Variants in PHF14 observed in about 807,000 individuals in gnomAD.
PHF14 encodes PHD finger protein 14.
In PHF14, 55 loss-of-function variants were observed where a neutral mutation model predicts 117.9. That is an observed-to-expected ratio of 0.47 (90% CI 0.38 to 0.58). The LOEUF (loss-of-function observed/expected upper bound fraction) is 0.58, where lower values mean the gene tolerates loss of function less well. Ranked by LOEUF, PHF14 falls within the 20% of genes least tolerant of loss-of-function variation. PHF14 has a pLI of 0.00. For synonymous variants in PHF14, 409 were observed against 368.6 expected (o/e 1.11, Z -1.26); for missense variants, 978 against 1,122.2 (o/e 0.87, Z 1.84).
intron 2 of PHF14, among the ~76,000 whole-genome samples, chr7:10,978,510 A>G (rs534841018): frequency 6.6e-6 from 1 of 152,214 alleles, no homozygotes; most frequent in East Asian, 1.9e-4. Context: ...GTTTTTTTAT[A>G]TTTGGGGATC....
At chr7:11,037,760 T>C (rs1583398107) in intron 10 of PHF14, among the ~76,000 whole-genome samples, 1 of 152,162 alleles carries the variant, frequency 6.6e-6, no homozygotes, top group East Asian at 1.9e-4. Context: ...TTTTAAGTCA[T>C]AAAAAAATAG....
chr7:11,156,930 A>G (rs1042596165), intron 17 of PHF14, among the ~76,000 whole-genome samples: 16 of 152,204 alleles, frequency 1.1e-4, no homozygotes, highest in African/African-American at 3.6e-4. Context: ...AAGATTCACA[A>G]TACTCACCTT....
At chr7:11,082,062 A>G (rs142069544) in intron 16 of PHF14, among the ~76,000 whole-genome samples, 181 of 150,726 alleles carry the variant, frequency 1.2e-3, no homozygotes, top group African/African-American at 4.2e-3. Context: ...TAGAAAATCA[A>G]TTTGAGTGCA....
chr7:11,098,654 C>G (rs1786968162), intron 16 of PHF14, among the ~76,000 whole-genome samples: 1 of 152,142 alleles, frequency 6.6e-6, no homozygotes, highest in Non-Finnish European at 1.5e-5. Flanking sequence ...TTCTTTAATC[C>G]CCACTGCACC....
chr7:10,989,909 G>A (rs1252813244), intron 3 of PHF14, among the ~76,000 whole-genome samples: 3 of 152,158 alleles, frequency 2.0e-5, no homozygotes, highest in Admixed American at 6.5e-5. Flanking sequence ...TGGGATTACC[G>A]GTGTGAGCCA....
intron 16 of PHF14, among the ~76,000 whole-genome samples, chr7:11,090,401 A>G (rs1354057033): frequency 1.3e-5 from 2 of 152,220 alleles, no homozygotes; most frequent in Admixed American, 6.5e-5. Flanking sequence ...ATATCAGTCA[A>G]TAACTTTCCT....
intron 16 of PHF14, among the ~76,000 whole-genome samples, chr7:11,080,835 T>C (rs1786070786): frequency 6.6e-6 from 1 of 152,132 alleles, no homozygotes; most frequent in Non-Finnish European, 1.5e-5. Context: ...GTCTTGAATT[T>C]TGAATATAGC....
chr7:11,080,402 A>G (rs1025822977), intron 16 of PHF14, among the ~76,000 whole-genome samples: 5 of 152,148 alleles, frequency 3.3e-5, no homozygotes, highest in Non-Finnish European at 7.4e-5. Flanking sequence ...AGAATTTTTC[A>G]TAAAAGTTGC....
chr7:11,161,925 C>T (rs919203256), intron 17 of PHF14, among the ~76,000 whole-genome samples: 1 of 150,740 alleles, frequency 6.6e-6, no homozygotes, highest in Non-Finnish European at 1.5e-5. Flanking sequence ...TAGTAGTTTA[C>T]TACCTGAAGG....
At chr7:11,014,147 A>G (rs1027360126) in intron 5 of PHF14, among the ~76,000 whole-genome samples, 9 of 152,174 alleles carry the variant, frequency 5.9e-5, no homozygotes, top group African/African-American at 2.2e-4. Context: ...TGACCCTATG[A>G]TGAGGCAGGT....
chr7:11,165,144 C>G (rs1199811748), intron 17 of PHF14, among the ~76,000 whole-genome samples: 1 of 152,150 alleles, frequency 6.6e-6, no homozygotes, highest in Non-Finnish European at 1.5e-5. Flanking sequence ...AGGATAGTCT[C>G]GGTCTCTTGA....
intron 14 of PHF14, among the ~76,000 whole-genome samples, chr7:11,055,291 CTAATG>C (rs1018777397): frequency 6.6e-6 from 1 of 152,164 alleles, no homozygotes; most frequent in African/African-American, 2.4e-5. Context: ...TTCTAATACT[CTAATG>C]TAACTTGAAA....
At chr7:11,087,875 TG>T (rs1322482775) in intron 16 of PHF14, among the ~76,000 whole-genome samples, 3 of 152,146 alleles carry the variant, frequency 2.0e-5, no homozygotes, top group Admixed American at 2.0e-4. Flanking sequence ...AGAAGTCGAA[TG>T]GGGGCAAAAA....
intron 3 of PHF14, among the ~76,000 whole-genome samples, chr7:10,984,196 A>G (rs1266021280): frequency 1.3e-5 from 2 of 152,172 alleles, no homozygotes; most frequent in Non-Finnish European, 2.9e-5. Flanking sequence ...TACAAGTTTT[A>G]CATAGCAGTG....
chr7:10,989,837 C>T (rs1782380750), intron 3 of PHF14, among the ~76,000 whole-genome samples: 1 of 152,220 alleles, frequency 6.6e-6, no homozygotes, highest in East Asian at 1.9e-4. Flanking sequence ...CACTGTGTTG[C>T]CCAGGCTGGT....
intron 4 of PHF14, among the ~76,000 whole-genome samples, chr7:10,995,585 G>A (rs114722624): frequency 0.076 from 11,618 of 152,218 alleles, 497 homozygotes; most frequent in African/African-American, 0.11. Context: ...CGATGGGACC[G>A]CGCCACAGAG....
chr7:10,998,268 AT>A (rs1782735105), intron 4 of PHF14, among the ~76,000 whole-genome samples: 1 of 152,152 alleles, frequency 6.6e-6, no homozygotes, highest in Non-Finnish European at 1.5e-5. Flanking sequence ...TGTGTAAGTT[AT>A]TTTTAAAATG....
At chr7:10,987,868 T>C (rs377390793) in intron 3 of PHF14, among the ~76,000 whole-genome samples, 1 of 151,942 alleles carries the variant, frequency 6.6e-6, no homozygotes, top group South Asian at 2.1e-4. Context: ...AAAACAGATC[T>C]AGCTGGGCGT....
intron 4 of PHF14, among the ~76,000 whole-genome samples, chr7:10,992,049 C>T (rs1018716679): frequency 1.8e-4 from 27 of 151,248 alleles, no homozygotes; most frequent in African/African-American, 5.8e-4. Context: ...GTAGCTTCTT[C>T]TTTCATAGTT....
Sources: allele counts gnomAD v4.1 joint callset (sites outside exome capture counted in the v4.1 genomes callset), GRCh38; gene constraint gnomAD v4.1.1; transcripts MANE v1.5; gene names NCBI Gene and HGNC (gene_info 2026-07-23, HGNC 2026-07-21).